Variants in IL18RAP observed in about 807,000 individuals in gnomAD.
IL18RAP encodes the protein interleukin 18 receptor accessory protein.
In IL18RAP, 37 loss-of-function variants were observed where a neutral mutation model predicts 58.1. That is an observed-to-expected ratio of 0.64 (90% CI 0.49 to 0.84). The LOEUF (loss-of-function observed/expected upper bound fraction) is 0.84, where lower values mean the gene tolerates loss of function less well. Among genes scored for constraint, IL18RAP ranks in the 40% least tolerant of loss-of-function variants. The probability of loss-of-function intolerance (pLI) is 0.00; values close to 1 mark genes in which losing one functional copy is unlikely to be tolerated. For missense variants in IL18RAP, 667 were observed against 704.8 expected (o/e 0.95, Z 0.61); for synonymous variants, 268 against 257.5 (o/e 1.04, Z -0.39).
chr2:102,445,224 G>T lies in IL18RAP; in HGVS notation c.956G>T (p.Arg319Leu). 2.5e-6 allele frequency: 4 copies of T among 1,613,886 alleles called. No homozygotes were observed. The East Asian group carries it at 6.7e-5, about 27-fold the overall frequency. The part of the protein sequence containing the change: ...KSTLKDEIIE[R>L]NIILEKVTQR... ...ACTTTAAAGGATGAAATCATTGAGC[G>T]TAATATCATCTTGGAAAAAGTCACT... Residue 319 changes from arginine to leucine, a missense_variant, in exon 7 of 10, where the codon CGT (arginine) becomes CTT (leucine). Physicochemically the swap from Arg to Leu is moderately radical, Grantham distance 102. Coordinates refer to ENST00000687160, the MANE Select transcript of IL18RAP (RefSeq NM_001393487.1).
Position 102,423,969 on chromosome 2 carries a change from A to G in IL18RAP, c.229A>G (p.Asn77Asp). The G allele has an allele frequency of 6.2e-7, 1 of 1,614,098 alleles. No individual in the cohort carries two copies. The highest frequency in any genetic ancestry group is 8.5e-7 in the Non-Finnish European group (1 of 1,180,004). ...TGAGCACCTGCCCTTCATGGGTAGTAACGACCTATCTGATGTCCAATGGTA... is the reference window on the plus strand; with the variant it reads ...TGAGCACCTGCCCTTCATGGGTAGTGACGACCTATCTGATGTCCAATGGTA... Reference protein sequence around the residue: ...VPEHLPFMGSNDLSDVQWYQQ... With the variant: ...VPEHLPFMGSDDLSDVQWYQQ... The change falls in exon 2 of 10, where the codon AAC (asparagine) becomes GAC (aspartate). Residue 77 changes from asparagine to aspartate, a missense_variant. By Grantham distance (23) the Asn-to-Asp change is conservative. Coordinates refer to ENST00000687160, the MANE Select transcript of IL18RAP (RefSeq NM_001393487.1).
At position 102,450,978 on chromosome 2, in the gene IL18RAP, A is replaced by T. The variant is rs55783351; in HGVS notation, c.1341A>T (p.Gly447=). The T allele has an allele frequency of 4.1e-3, 6,664 of 1,609,122 alleles. 19 individuals carry two copies. Among genetic ancestry groups the T allele is most frequent in the Non-Finnish European group, 4.7e-3 (5,563 of 1,178,162 alleles). ...CTGATGTTTTAGAAAACAAATATGG[A>T]TATAGCCTGTGTTTGCTTGAAAGAG... The part of the protein sequence containing the change: ...LFPDVLENKY[G]YSLCLLERDV... The change falls in exon 9 of 10, where the codon GGA becomes GGT. Residue 447 remains glycine, a synonymous_variant. Coordinates refer to ENST00000687160, the MANE Select transcript of IL18RAP (RefSeq NM_001393487.1).
At chr2:102,443,631 C>T (rs1437763930) in intron 6 of IL18RAP, among the ~76,000 whole-genome samples, 1 of 152,148 alleles carries the variant, frequency 6.6e-6, no homozygotes, top group Non-Finnish European at 1.5e-5. Context: ...GCTGCTTACC[C>T]TCACTCTGCT....
At chr2:102,422,766 C>T (rs1019149242), upstream of IL18RAP, among the ~76,000 whole-genome samples, 2 of 152,172 alleles carry the variant, frequency 1.3e-5, no homozygotes, top group Non-Finnish European at 2.9e-5. Flanking sequence ...TATATGCAAA[C>T]ATTCTCAAAT....
chr2:102,434,880 A>T (rs1168367988), intron 3 of IL18RAP: 1 of 152,184 alleles, frequency 6.6e-6, no homozygotes, highest in African/African-American at 2.4e-5. Flanking sequence ...GATATTAACC[A>T]TCACTTCCTT....
chr2:102,426,795 T>C (rs967092374), intron 3 of IL18RAP, among the ~76,000 whole-genome samples: 8 of 152,180 alleles, frequency 5.3e-5, no homozygotes, highest in Non-Finnish European at 1.2e-4. Context: ...TTTTGAAATG[T>C]GCAATACAAT....
chr2:102,424,224 T>G lies in IL18RAP; in HGVS notation c.396-7T>G. 1 of 1,613,190 alleles carries G rather than the reference T, an allele frequency of 6.2e-7. No homozygotes were observed. Among genetic ancestry groups the G allele is most frequent in the South Asian group, 1.1e-5 (1 of 90,948 alleles). ...TCTATGTTCACAGGATCTTGTTAAT[T>G]TCCTAGGAGCCCCTATGATGTAGCC... On this transcript the variant is annotated splice_polypyrimidine_tract_variant and splice_region_variant and intron_variant, in intron 2 of 9. Coordinates refer to ENST00000687160, the MANE Select transcript of IL18RAP (RefSeq NM_001393487.1).
chr2:102,443,205 C>A lies in IL18RAP; in HGVS notation c.802C>A (p.Pro268Thr). 1 of 1,611,544 alleles carries A rather than the reference C, an allele frequency of 6.2e-7. No homozygotes were observed. Among genetic ancestry groups the A allele is most frequent in the Non-Finnish European group, 8.5e-7 (1 of 1,179,264 alleles). ...TCTGGCCTCTTCATTTTCAGGAAAGCCTTTAACTATTAGCTGCAAAGCACG... is the reference window on the plus strand; with the variant it reads ...TCTGGCCTCTTCATTTTCAGGAAAGACTTTAACTATTAGCTGCAAAGCACG... Reference protein sequence around the residue: ...EDTLEVELGKPLTISCKARFG... With the variant: ...EDTLEVELGKTLTISCKARFG... Residue 268 changes from proline (P) to threonine (T), a missense_variant, in exon 6 of 10, where the codon CCT becomes ACT. Pro to Thr is a conservative substitution (Grantham distance 38). Coordinates refer to ENST00000687160, the MANE Select transcript of IL18RAP (RefSeq NM_001393487.1).
At position 102,451,021 on chromosome 2, in the gene IL18RAP, G is replaced by T. The variant is rs1177136725; in HGVS notation, c.1384G>T (p.Val462Leu). The T allele has an allele frequency of 1.9e-6, 3 of 1,582,820 alleles. No homozygotes were observed. The Admixed American group carries it at 5.5e-5, about 29-fold the overall frequency. The change falls in exon 9 of 10, where the codon GTG (valine) becomes TTG (leucine). Residue 462 changes from valine to leucine, a missense_variant and splice_region_variant. Coordinates refer to ENST00000687160, the MANE Select transcript of IL18RAP (RefSeq NM_001393487.1). ...LLERDVAPGG[V>L]YAEDIVSIIK... ...TGAAAGAGATGTGGCTCCAGGAGGA[G>T]GTAAGTCCAACATGTCAAGAAAAAC...
intron 3 of IL18RAP, among the ~76,000 whole-genome samples, chr2:102,436,499 T>C (rs567259281): frequency 3.3e-5 from 5 of 152,302 alleles, no homozygotes; most frequent in Admixed American, 3.3e-4. Flanking sequence ...CTTTCCAGCC[T>C]GCTGGAAATT....
chr2:102,424,926 G>C (rs1681839852), intron 3 of IL18RAP, among the ~76,000 whole-genome samples: 1 of 152,184 alleles, frequency 6.6e-6, no homozygotes, highest in African/African-American at 2.4e-5. Flanking sequence ...AAGGAGTACA[G>C]TGCAAATAGA....
intron 7 of IL18RAP, among the ~76,000 whole-genome samples, chr2:102,446,075 C>A (rs1049510749): frequency 2.6e-5 from 4 of 152,128 alleles, no homozygotes; most frequent in Admixed American, 1.3e-4. Flanking sequence ...CCAGATGGGA[C>A]TCCTGGTCTC....
chr2:102,422,003 G>A (rs1394568708), upstream of IL18RAP, among the ~76,000 whole-genome samples: 3 of 151,564 alleles, frequency 2.0e-5, no homozygotes, highest in African/African-American at 7.3e-5. Context: ...CCTACCCAAG[G>A]CCCTCTCATC....
At chr2:102,436,535 G>A (rs6746271) in intron 3 of IL18RAP, among the ~76,000 whole-genome samples, 22 of 151,902 alleles carry the variant, frequency 1.4e-4, no homozygotes, top group Admixed American at 1.4e-3. Context: ...GGAAACACAC[G>A]AGGGATGTGG....
chr2:102,424,515 C>A, intron 3 of IL18RAP, 101 bp downstream of exon 3: 1 of 1,080,874 alleles, frequency 9.3e-7, no homozygotes, highest in Non-Finnish European at 1.3e-6. Flanking sequence ...CTGAGGTATA[C>A]AGCTTCTCAA....
In IL18RAP at chr2:102,424,020, T is replaced by G; in HGVS notation, c.280T>G (p.Leu94Val). 6.2e-7 allele frequency: 1 copy of G among 1,614,102 alleles called. No homozygotes were observed. Among genetic ancestry groups the G allele is most frequent in the Admixed American group, 1.7e-5 (1 of 60,010 alleles). ...WYQQPSNGDP[L>V]EDIRKSYPHI... ...CCAACAACCTTCGAATGGAGATCCA[T>G]TAGAGGACATTAGGAAAAGCTATCC... Residue 94 changes from leucine (L) to valine (V), a missense_variant, in exon 2 of 10, where the codon TTA becomes GTA. Coordinates refer to ENST00000687160, the MANE Select transcript of IL18RAP (RefSeq NM_001393487.1).
At chr2:102,436,777 TTA>T (rs1241403214) in intron 3 of IL18RAP, among the ~76,000 whole-genome samples, 1 of 148,442 alleles carries the variant, frequency 6.7e-6, no homozygotes, top group South Asian at 2.1e-4. Context: ...ACAATATATG[TTA>T]TATATATGTG....
intron 3 of IL18RAP, 36 bp downstream of exon 3, chr2:102,424,450 T>C (rs1224072422): frequency 2.6e-6 from 4 of 1,556,898 alleles, no homozygotes. Context: ...TATAAGAGCA[T>C]TGTTTTTATG....
chr2:102,424,123 C>T lies in IL18RAP; in HGVS notation c.383C>T (p.Pro128Leu). Residue 128 changes from proline to leucine, a missense_variant, in exon 2 of 10, where the codon CCC becomes CTC. Transcript: ENST00000687160. ...AATTCTGGGTCATATATTTGTAGACCCAAGATGATTAAGTATGATCCAAAT... is the reference window on the plus strand; with the variant it reads ...AATTCTGGGTCATATATTTGTAGACTCAAGATGATTAAGTATGATCCAAAT... Reference protein sequence around the residue: ...VNNSGSYICRPKMIKSPYDVA... With the variant: ...VNNSGSYICRLKMIKSPYDVA... 6.2e-7 allele frequency: 1 copy of T among 1,611,414 alleles called. No homozygotes were observed.
Sources: gnomAD v4.1 joint callset for allele counts (sites outside exome capture counted in the v4.1 genomes callset) on GRCh38, gnomAD v4.1.1 for gene constraint, MANE v1.5 for transcripts, NCBI Gene and HGNC (gene_info 2026-07-23, HGNC 2026-07-21) for gene names.